Variants in RREB1 observed in about 807,000 individuals in gnomAD.
RREB1 encodes ras-responsive element-binding protein 1.
A neutral mutation model predicts 117.8 loss-of-function variants in RREB1; 27 were observed. The observed-to-expected ratio is 0.23, with a 90% CI of 0.17 to 0.32. The LOEUF (loss-of-function observed/expected upper bound fraction) is 0.32. Ranked by LOEUF, RREB1 falls within the 10% of genes least tolerant of loss-of-function variation. RREB1 has a pLI of 1.00. For synonymous variants in RREB1, 1,298 were observed against 1,026.7 expected, an observed-to-expected ratio of 1.26 and a Z score of -5.05; for missense variants, 2,577 against 2,378.2, an observed-to-expected ratio of 1.08 and a Z score of -1.74.
chr6:7,204,624 C>G lies in RREB1; in HGVS notation c.426-6180C>G, dbSNP rs548666674. ...TTTGAACCTGTTGCCTCCAGCTTGGCAGGTCCTGGGCCGTGCTGTGTGTGC... is the reference window on the plus strand; with the variant it reads ...TTTGAACCTGTTGCCTCCAGCTTGGGAGGTCCTGGGCCGTGCTGTGTGTGC... On this transcript the variant is annotated intron_variant, in intron 6 of 12. Coordinates refer to ENST00000379938, the MANE Select transcript of RREB1 (RefSeq NM_001003699.4). Among the ~76,000 whole-genome samples, 248 of 152,312 alleles carry G rather than the reference C, an allele frequency of 1.6e-3. 1 individual carries two copies. Among genetic ancestry groups the G allele is most frequent in the Middle Eastern group, 3.4e-3 (1 of 294 alleles).
At chr6:7,124,583 C>A (rs1050335924) in intron 1 of RREB1, among the ~76,000 whole-genome samples, 1 of 152,056 alleles carries the variant, frequency 6.6e-6, no homozygotes, top group Non-Finnish European at 1.5e-5. Context: ...AGTTCAACTC[C>A]CAGCATTCAA....
intron 1 of RREB1, among the ~76,000 whole-genome samples, chr6:7,112,439 A>G (rs1488991511): frequency 6.6e-6 from 1 of 152,128 alleles, no homozygotes; most frequent in African/African-American, 2.4e-5. Context: ...TAAGAAATTG[A>G]TAAATGTATT....
Position 7,248,770 on chromosome 6 carries a change from G to C in RREB1, c.5031G>C (p.Leu1677Phe). ...MAVTRSRKEG[L>F]ASATKDCSHR... ...TCACCCGGAGCCGGAAGGAGGGCTT[G>C]GCCAGTGCCACCAAGGACTGCAGCC... Residue 1677 changes from leucine to phenylalanine, a missense_variant, in exon 13 of 13, where the codon TTG (leucine) becomes TTC (phenylalanine). Transcript: ENST00000379938. The C allele has an allele frequency of 6.2e-7, 1 of 1,614,064 alleles. No individual in the cohort carries two copies. Among genetic ancestry groups the C allele is most frequent in the South Asian group, 1.1e-5 (1 of 91,084 alleles).
intron 1 of RREB1, among the ~76,000 whole-genome samples, chr6:7,116,825 A>G (rs1761420426): frequency 6.6e-6 from 1 of 152,250 alleles, no homozygotes; most frequent in Admixed American, 6.5e-5. Context: ...TGGTTGCACT[A>G]AAAGCTGTCA....
chr6:7,163,616 G>C (rs369557535), intron 1 of RREB1, among the ~76,000 whole-genome samples: 1 of 151,986 alleles, frequency 6.6e-6, no homozygotes, highest in East Asian at 1.9e-4. Flanking sequence ...GGATGGTCTC[G>C]ATCTCCTGAC....
At chr6:7,236,651 T>G (rs1424131161) in intron 10 of RREB1, among the ~76,000 whole-genome samples, 6 of 152,046 alleles carry the variant, frequency 3.9e-5, no homozygotes, top group Admixed American at 3.3e-4. Context: ...GAAAAGCAAC[T>G]GCAAGGTTTT....
At chr6:7,210,402 T>C (rs943745359) in intron 6 of RREB1, among the ~76,000 whole-genome samples, 2 of 152,236 alleles carry the variant, frequency 1.3e-5, no homozygotes, top group African/African-American at 4.8e-5. Context: ...GGGGCAAGGA[T>C]AGCATTATCA....
rs1340232040 is a variant in RREB1, at chr6:7,230,901, C to G, written c.2802C>G (p.Pro934=). The G allele has an allele frequency of 1.9e-6, 3 of 1,614,004 alleles. No individual in the cohort carries two copies. The highest frequency in any genetic ancestry group is 2.5e-6 in the Non-Finnish European group (3 of 1,180,006). Reference sequence around the variant, plus strand: ...TCCCCTATGACTGCTCCATGGAGCCCATCGACCTGTCCATCCCCAAGAACT... The same window carrying G: ...TCCCCTATGACTGCTCCATGGAGCCGATCGACCTGTCCATCCCCAAGAACT... ...SLVPYDCSME[P]IDLSIPKNFR... is the part of the protein sequence containing the mutation. Residue 934 remains proline (P), a synonymous_variant, in exon 10 of 13, where the codon CCC becomes CCG. Coordinates refer to ENST00000379938, the MANE Select transcript of RREB1 (RefSeq NM_001003699.4).
chr6:7,188,252 T>TGTGTGTGTGTGTGTGTGC (rs1411771705), intron 5 of RREB1, among the ~76,000 whole-genome samples: 81 of 147,668 alleles, frequency 5.5e-4, no homozygotes, highest in African/African-American at 2.0e-3. Context: ...TGTGTGTGTG[T>TGTGTGTGTGTGTGTGTGC]GCGCGCGCGC....
intron 6 of RREB1, among the ~76,000 whole-genome samples, chr6:7,208,536 CGGTG>C (rs1766400494): frequency 6.6e-6 from 1 of 152,222 alleles, no homozygotes; most frequent in South Asian, 2.1e-4. Context: ...TGAAATGGAG[CGGTG>C]CTTGTGCTTT....
Position 7,227,400 on chromosome 6 carries a change from G to T in RREB1, c.897+744G>T, listed in dbSNP as rs1427897374. 3.9e-5 allele frequency among the ~76,000 whole-genome samples: 6 copies of T among 151,912 alleles called. 1 individual carries two copies. The highest frequency in any genetic ancestry group is 1.5e-4 in the African/African-American group (6 of 41,344). On this transcript the variant is annotated intron_variant, in intron 9 of 12. Coordinates refer to ENST00000379938, the MANE Select transcript of RREB1 (RefSeq NM_001003699.4). ...CACTAAAAATACAAAAATTAGCCAG[G>T]CGTGGTAGCATGCACCTGTAATCCC...
At chr6:7,159,971 G>T (rs1327493994) in intron 1 of RREB1, among the ~76,000 whole-genome samples, 1 of 152,142 alleles carries the variant, frequency 6.6e-6, no homozygotes, top group Non-Finnish European at 1.5e-5. Flanking sequence ...AGCTCAGCTG[G>T]CCCATAGTTG....
At chr6:7,190,251 T>G (rs558017313) in intron 6 of RREB1, among the ~76,000 whole-genome samples, 1 of 152,340 alleles carries the variant, frequency 6.6e-6, no homozygotes, top group East Asian at 1.9e-4. Context: ...TTAACCTCTT[T>G]GTACTCCAGT....
chr6:7,172,405 C>A (rs368342616), intron 1 of RREB1, among the ~76,000 whole-genome samples: 3 of 151,626 alleles, frequency 2.0e-5, no homozygotes, highest in Non-Finnish European at 2.9e-5. Flanking sequence ...TGCATCCCCC[C>A]ACCCCGGCTT....
intron 8 of RREB1, among the ~76,000 whole-genome samples, chr6:7,225,743 G>A (rs1767545788): frequency 6.6e-6 from 1 of 152,148 alleles, no homozygotes. Flanking sequence ...CATTTTGTGT[G>A]TGCTTCTTAC....
chr6:7,122,248 ATCTC>A (rs763614157), intron 1 of RREB1, among the ~76,000 whole-genome samples: 63 of 152,060 alleles, frequency 4.1e-4, no homozygotes, highest in African/African-American at 1.4e-3. Context: ...GTGAATTTCC[ATCTC>A]TCTCTCATTT....
chr6:7,159,470 A>G (rs1238389130), intron 1 of RREB1, among the ~76,000 whole-genome samples: 1 of 152,192 alleles, frequency 6.6e-6, no homozygotes, highest in Non-Finnish European at 1.5e-5. Flanking sequence ...TTTCCAGAGG[A>G]TGAGTTCTGT....
At chr6:7,223,836 T>C (rs542714160) in intron 8 of RREB1, among the ~76,000 whole-genome samples, 12 of 152,348 alleles carry the variant, frequency 7.9e-5, no homozygotes, top group Non-Finnish European at 1.8e-4. Context: ...CAGTCCTACC[T>C]GCCTGCCTTT....
At position 7,231,350 on chromosome 6, in the gene RREB1, C is replaced by T; in HGVS notation, c.3251C>T (p.Thr1084Ile). Residue 1084 changes from threonine to isoleucine, a missense_variant, in exon 10 of 13, where the codon ACC becomes ATC. Thr to Ile is a moderately conservative substitution (Grantham distance 89). Transcript: ENST00000379938. ...TCCTCGGCCCCCACCCTGCTGAAAA[C>T]CAAGGTGGCGGACCCAGGGCCCGCA... ...SVSSAPTLLKTKVADPGPAST... is the reference protein window; with the variant it reads ...SVSSAPTLLKIKVADPGPAST... 6.2e-7 allele frequency: 1 copy of T among 1,612,606 alleles called. No homozygotes were observed. The highest frequency in any genetic ancestry group is 8.5e-7 in the Non-Finnish European group (1 of 1,179,264).
Sources: gnomAD v4.1 joint callset for allele counts (sites outside exome capture counted in the v4.1 genomes callset) on GRCh38, gnomAD v4.1.1 for gene constraint, MANE v1.5 for transcripts, NCBI Gene and HGNC (gene_info 2026-07-23, HGNC 2026-07-21) for gene names.